ULK1: variants seen among roughly 807,000 people sequenced by gnomAD.
The protein encoded by ULK1 is unc-51 like autophagy activating kinase 1, also known as serine/threonine-protein kinase ULK1.
ULK1 carries 48 observed loss-of-function variants against 117.5 expected under a neutral mutation model. That is an observed-to-expected ratio of 0.41 (90% confidence interval 0.32 to 0.52). ULK1 has a LOEUF of 0.52. ULK1 is among the 20% of genes least tolerant of loss of function. ULK1 has a pLI of 0.29. For missense variants in ULK1, 1,387 were observed against 1,473.4 expected (o/e 0.94, Z 0.96); for synonymous variants, 790 against 637.8 (o/e 1.24, Z -3.60).
At chr12:131,897,886 G>C (rs1888937593) in intron 3 of ULK1, 1 of 152,258 alleles carries the variant, frequency 6.6e-6, no homozygotes, top group East Asian at 1.9e-4. Flanking sequence ...GCAGCAGAGT[G>C]TAACCCTGTC....
intron 20 of ULK1, 149 bp from the exon 21 acceptor site, chr12:131,916,804 C>A: frequency 1.0e-6 from 1 of 962,954 alleles, no homozygotes. Flanking sequence ...GCCATGCCCG[C>A]CTGTAAGCTG....
intron 3 of ULK1, 87 bp downstream of exon 3, chr12:131,895,911 G>C: frequency 6.4e-7 from 1 of 1,561,202 alleles, no homozygotes; most frequent in Non-Finnish European, 8.8e-7. Context: ...CACTGGTGTT[G>C]AGCCTGTCCA....
Position 131,895,101 on chromosome 12 carries a change from C to A in ULK1, c.100C>A (p.Arg34Ser). Residue 34 changes from arginine (R) to serine (S), a missense_variant, in exon 1 of 28, where the codon CGC becomes AGC. By Grantham distance (110) the Arg-to-Ser change is moderately radical. This residue lies in a region of ULK1 where 224 missense variants were observed against 325.2 expected (regional missense o/e 0.69). Coordinates refer to ENST00000321867, the MANE Select transcript of ULK1 (RefSeq NM_003565.4). ...CGCCTTCGCGGTGGTCTTCAAGGGC[C>A]GCCACCGCGAGGTGAGGCCCCCGTC... is the stretch of plus-strand genomic sequence containing the variant. The part of the protein sequence containing the change: ...HGAFAVVFKG[R>S]HREKHDLEVA... 1 of 1,560,250 alleles carries A rather than the reference C, an allele frequency of 6.4e-7. No individual in the cohort carries two copies. Among genetic ancestry groups the A allele is most frequent in the East Asian group, 2.4e-5 (1 of 41,954 alleles).
At chr12:131,896,492 G>GACT (rs1888878354) in intron 3 of ULK1, 1 of 154,334 alleles carries the variant, frequency 6.5e-6, no homozygotes, top group African/African-American at 2.4e-5. Flanking sequence ...CCAAAGTGCT[G>GACT]ACTAATGGCT....
Position 131,920,069 on chromosome 12 carries a change from A to T in ULK1, c.2894A>T (p.Gln965Leu). Residue 965 changes from glutamine (Q) to leucine (L), a missense_variant, in exon 26 of 28, where the codon CAG becomes CTG. Physicochemically the swap from Gln to Leu is moderately radical, Grantham distance 113. Transcript: ENST00000321867. The part of the protein sequence containing the change: ...LRLQRFFLDK[Q>L]RLLDRIHSIT... ...CTGCAGCGCTTCTTCCTGGACAAGCAGCGGCTCCTGGACCGCATTCACAGC... is the reference window on the plus strand; with the variant it reads ...CTGCAGCGCTTCTTCCTGGACAAGCTGCGGCTCCTGGACCGCATTCACAGC... 4 of 1,612,826 alleles carry T rather than the reference A, an allele frequency of 2.5e-6. No individual in the cohort carries two copies. Among genetic ancestry groups the T allele is most frequent in the Non-Finnish European group, 3.4e-6 (4 of 1,179,958 alleles).
intron 3 of ULK1, among the ~76,000 whole-genome samples, chr12:131,906,206 G>A (rs1009514124): frequency 3.9e-5 from 6 of 152,078 alleles, no homozygotes; most frequent in Admixed American, 1.3e-4. Context: ...TGATTTTCCT[G>A]CCTTAGCCTC....
At position 131,909,940 on chromosome 12, in the gene ULK1, C is replaced by A; in HGVS notation, c.747C>A (p.Ala249=). The A allele has an allele frequency of 1.2e-6, 2 of 1,612,166 alleles. No homozygotes were observed. Among genetic ancestry groups the A allele is most frequent in the South Asian group, 1.1e-5 (1 of 91,070 alleles). ...CCAGCATCCCCCGGGAGACCTCGGC[C>A]CCGCTGCGGCAGCTGCTCCTGGCCC... ...LVPTIPRETS[A]PLRQLLLALL... Residue 249 remains alanine, a synonymous_variant, in exon 10 of 28, where the codon GCC becomes GCA. Transcript: ENST00000321867.
chr12:131,917,457 T>TG lies in ULK1; in HGVS notation c.2234dup (p.Thr746HisfsTer56). On this transcript the variant is annotated frameshift_variant, in exon 22 of 28. Coordinates refer to ENST00000321867, the MANE Select transcript of ULK1 (RefSeq NM_003565.4). LOFTEE classifies it high-confidence loss of function. ...GGAGCCTGCACCCAGGAGCCCGTGC[T>TG]GGGGGCACCAGCAGCCCTTCCCCGG... is the stretch of plus-strand genomic sequence containing the variant. 1 of 1,532,584 alleles carries TG rather than the reference T, an allele frequency of 6.5e-7. No individual in the cohort carries two copies. The allele number at this position is 1,532,584 out of a possible 1,614,324, so 94.9% of individuals were successfully genotyped here.
At chr12:131,899,318 A>C (rs1232453287) in intron 3 of ULK1, among the ~76,000 whole-genome samples, 1 of 151,648 alleles carries the variant, frequency 6.6e-6, no homozygotes, top group Non-Finnish European at 1.5e-5. Context: ...CCTCCCGGGT[A>C]GCTGGGATTA....
In ULK1 at chr12:131,915,225, C is replaced by T. The variant is rs1889720826; in HGVS notation, c.1516C>T (p.Pro506Ser). The change falls in exon 17 of 28, where the codon CCT becomes TCT. Residue 506 changes from proline (P) to serine (S), a missense_variant. Transcript: ENST00000321867. ...TGGAGGCCGGCCCTACACGCCATCT[C>T]CTCAAGGTGCGCCTGCAGGCTGGGG... ...LGGGRPYTPSPQVGTIPERPG... is the reference protein window; with the variant it reads ...LGGGRPYTPSSQVGTIPERPG... 2 of 1,601,832 alleles carry T rather than the reference C, an allele frequency of 1.2e-6. No homozygotes were observed. Among genetic ancestry groups the T allele is most frequent in the Non-Finnish European group, 1.7e-6 (2 of 1,174,540 alleles).
At position 131,921,452 on chromosome 12, in the gene ULK1, G is replaced by A. The variant is rs149798813; in HGVS notation, c.*91G>A. On this transcript the variant is annotated 3_prime_UTR_variant, in exon 28 of 28. Coordinates refer to ENST00000321867, the MANE Select transcript of ULK1 (RefSeq NM_003565.4). ...GGACTCCTCGGGACAAGCCCATGGCGCTGATCGCTGGTGCTGAGCCCTGCC... is the reference window on the plus strand; with the variant it reads ...GGACTCCTCGGGACAAGCCCATGGCACTGATCGCTGGTGCTGAGCCCTGCC... 567 of 1,568,604 alleles carry A rather than the reference G, an allele frequency of 3.6e-4. 1 individual carries two copies. In the African/African-American group the frequency reaches 6.2e-3, roughly 17 times the overall value.
rs1012328494 is a variant in ULK1 at position 131,909,601 on chromosome 12, C to T, written c.667-174C>T. On this transcript the variant is annotated intron_variant, in intron 8 of 27. Coordinates refer to ENST00000321867, the MANE Select transcript of ULK1 (RefSeq NM_003565.4). ...CACCCCGAGAGACCGTCGGCGCCCCCTCCCCGCCCCCATGCTCATACCTCC... is the reference window on the plus strand; with the variant it reads ...CACCCCGAGAGACCGTCGGCGCCCCTTCCCCGCCCCCATGCTCATACCTCC... 6.6e-5 allele frequency among the ~76,000 whole-genome samples: 10 copies of T among 152,278 alleles called. No individual in the cohort carries two copies. The East Asian group carries it at 9.7e-4, about 15-fold the overall frequency.
rs61731338 is a variant in ULK1, at chr12:131,912,078, C to T, written c.1085C>T (p.Ala362Val). 3.8e-4 allele frequency: 607 copies of T among 1,611,928 alleles called. 4 individuals carry two copies. Among genetic ancestry groups the T allele is most frequent in the Middle Eastern group, 9.9e-4 (6 of 6,058 alleles). ...ACAGACGACTTCGTCATGGTCCCCG[C>T]GCAGTTTCCAGGTCAGGGGGCACGC... ...CDTDDFVMVP[A>V]QFPGDLVAEA... The change falls in exon 13 of 28, where the codon GCG becomes GTG. Residue 362 changes from alanine (A) to valine (V), a missense_variant. Around this residue, in one of 4 missense-constraint regions of ULK1, gnomAD observed 260 missense variants for 271.6 expected, o/e 0.96. Coordinates refer to ENST00000321867, the MANE Select transcript of ULK1 (RefSeq NM_003565.4).
rs1043192984 is a variant in ULK1, at chr12:131,899,915, C to G, written c.246+4091C>G. 9.9e-5 allele frequency among the ~76,000 whole-genome samples: 15 copies of G among 152,136 alleles called. No individual in the cohort carries two copies. In the Middle Eastern group the frequency reaches 0.014, roughly 138 times the overall value. On this transcript the variant is annotated intron_variant, in intron 3 of 27. Coordinates refer to ENST00000321867, the MANE Select transcript of ULK1 (RefSeq NM_003565.4). ...CGGGTGGATCATGAGGTCAGGAGAT[C>G]GAGACTATCCTGGCCAACATGGTGA...
chr12:131,920,201 G>T, intron 26 of ULK1, 65 bp downstream of exon 26: 1 of 1,562,662 alleles, frequency 6.4e-7, no homozygotes, highest in Admixed American at 1.8e-5. Flanking sequence ...GTCTCCACTG[G>T]GACGGGACCT....
At chr12:131,920,181 C>A in intron 26 of ULK1, 45 bp downstream of exon 26, 1 of 1,593,270 alleles carries the variant, frequency 6.3e-7, no homozygotes, top group Non-Finnish European at 8.6e-7. Flanking sequence ...CAGGAACTTC[C>A]AGGCCCGCCG....
At chr12:131,920,413 G>C in intron 26 of ULK1, 1 of 431,362 alleles carries the variant, frequency 2.3e-6, no homozygotes, top group Non-Finnish European at 4.2e-6. Context: ...TTGGTCTTCA[G>C]GCCTCGTAGT....
rs746124897 is a variant in ULK1 at position 131,920,103 on chromosome 12, C to T, written c.2928C>T (p.Ala976=). The change falls in exon 26 of 28, where the codon GCC becomes GCT. Residue 976 remains alanine (A), a synonymous_variant. Coordinates refer to ENST00000321867, the MANE Select transcript of ULK1 (RefSeq NM_003565.4). The stretch of plus-strand genomic sequence containing the variant: ...TGGACCGCATTCACAGCATCACTGC[C>T]GAGAGGCTCATCTTCAGCCACGCTG... ...RLLDRIHSIT[A]ERLIFSHAVQ... 2.7e-5 allele frequency: 44 copies of T among 1,612,686 alleles called. No homozygotes were observed. The highest frequency in any genetic ancestry group is 3.6e-5 in the Non-Finnish European group (42 of 1,179,936).
chr12:131,908,053 G>A (rs1210571863), intron 5 of ULK1, among the ~76,000 whole-genome samples: 1 of 151,898 alleles, frequency 6.6e-6, no homozygotes, highest in African/African-American at 2.4e-5. Flanking sequence ...GTCTGGAGGT[G>A]GCTCTGGGAC....
Sources: gnomAD v4.1 joint callset for allele counts (sites outside exome capture counted in the v4.1 genomes callset) on GRCh38, gnomAD v4.1.1 for gene constraint, gnomAD v4.1.1 regional missense constraint, MANE v1.5 for transcripts, NCBI Gene and HGNC (gene_info 2026-07-23, HGNC 2026-07-21) for gene names.